Variants in SYN3 observed in about 807,000 individuals in gnomAD.
SYN3 encodes the protein synapsin-3.
A neutral mutation model predicts 65.8 loss-of-function variants in SYN3; 35 were observed. The observed-to-expected ratio is 0.53, with a 90% CI of 0.41 to 0.70. SYN3 has a LOEUF of 0.70. SYN3 is among the 30% of genes least tolerant of loss of function. The probability of loss-of-function intolerance (pLI) is 0.00; values close to 1 mark genes in which losing one functional copy is unlikely to be tolerated. For missense variants in SYN3, 680 were observed against 749.0 expected (o/e 0.91, Z 1.08); for synonymous variants, 270 against 292.9 (o/e 0.92, Z 0.80).
chr22:32,842,645 C>A (rs1222918149), intron 6 of SYN3, among the ~76,000 whole-genome samples: 1 of 152,322 alleles, frequency 6.6e-6, no homozygotes, highest in Middle Eastern at 3.4e-3. Context: ...TATACATTGT[C>A]TCATTTAATT....
At chr22:32,660,086 A>T (rs2060195713) in intron 6 of SYN3, among the ~76,000 whole-genome samples, 1 of 152,202 alleles carries the variant, frequency 6.6e-6, no homozygotes, top group African/African-American at 2.4e-5. Flanking sequence ...CATATTCAGT[A>T]ACTGATCCCA....
At position 32,974,535 on chromosome 22, in the gene SYN3, G is replaced by A. The variant is rs114599896; in HGVS notation, c.369+6110C>T. ...TTAAACGAATCCTCTTTCCTTATTG[G>A]CCTTAGTTTCCCTTACTCCAATCCC... is the stretch of plus-strand genomic sequence containing the variant. On this transcript the variant is annotated intron_variant, in intron 3 of 13. Transcript: ENST00000358763. Among the ~76,000 whole-genome samples, 208 of 152,204 alleles carry A rather than the reference G, an allele frequency of 1.4e-3. 1 individual carries two copies. The highest frequency in any genetic ancestry group is 4.8e-3 in the African/African-American group (201 of 41,538).
In SYN3 at chr22:33,015,516, C is replaced by T. The variant is rs868310720; in HGVS notation, c.-162-8692G>A. 5.7e-5 allele frequency: 10 copies of T among 176,432 alleles called. No homozygotes were observed. The Middle Eastern group carries it at 9.1e-3, about 161-fold the overall frequency. 10.9% of individuals were successfully genotyped at this position (176,432 alleles called of 1,614,324 possible). ...AACCAGTGCCAGCTGTTTCTGTACA[C>T]CAGCTATTGTAAAATAATTCTAACT... On this transcript the variant is annotated intron_variant, in intron 1 of 13. Transcript: ENST00000358763.
intron 6 of SYN3, among the ~76,000 whole-genome samples, chr22:32,736,648 C>T (rs1295469814): frequency 6.6e-6 from 1 of 152,126 alleles, no homozygotes; most frequent in Admixed American, 6.5e-5. Context: ...TTAAAACCTA[C>T]ATTTGAACCA....
intron 6 of SYN3, among the ~76,000 whole-genome samples, chr22:32,803,745 C>G (rs1024975837): frequency 3.9e-5 from 6 of 152,200 alleles, no homozygotes; most frequent in African/African-American, 1.4e-4. Context: ...CAGGATCACA[C>G]ACGTGCGGCC....
At chr22:32,889,475 G>A (rs1234969720) in intron 4 of SYN3, among the ~76,000 whole-genome samples, 5 of 151,700 alleles carry the variant, frequency 3.3e-5, no homozygotes, top group African/African-American at 4.8e-5. Flanking sequence ...AATGTGACAT[G>A]TGCTTATTTA....
chr22:32,649,106 A>G (rs2060025102), intron 6 of SYN3, among the ~76,000 whole-genome samples: 1 of 152,156 alleles, frequency 6.6e-6, no homozygotes, highest in Non-Finnish European at 1.5e-5. Context: ...GGCGGAGTAT[A>G]CTTCCCCTAT....
chr22:32,608,840 T>A (rs889107131), intron 6 of SYN3, among the ~76,000 whole-genome samples: 18 of 152,236 alleles, frequency 1.2e-4, no homozygotes, highest in African/African-American at 4.1e-4. Flanking sequence ...TATAGGTATC[T>A]GGATCCTAGC....
chr22:32,957,935 A>G (rs951984571), intron 3 of SYN3, among the ~76,000 whole-genome samples: 3 of 152,130 alleles, frequency 2.0e-5, no homozygotes, highest in Non-Finnish European at 4.4e-5. Flanking sequence ...CGCTAACCCA[A>G]ACCTAATCTC....
chr22:32,847,448 G>A (rs1369281857), intron 6 of SYN3, among the ~76,000 whole-genome samples: 1 of 152,166 alleles, frequency 6.6e-6, no homozygotes, highest in African/African-American at 2.4e-5. Context: ...GCCAATGACT[G>A]TGTGTTTTGC....
At chr22:32,632,311 G>T (rs554303038) in intron 6 of SYN3, among the ~76,000 whole-genome samples, 3 of 152,340 alleles carry the variant, frequency 2.0e-5, no homozygotes, top group South Asian at 4.1e-4. Flanking sequence ...CCACTGGGCA[G>T]TGTGCTATGG....
intron 2 of SYN3, among the ~76,000 whole-genome samples, chr22:32,997,755 G>A (rs1404903196): frequency 1.3e-5 from 2 of 152,018 alleles, no homozygotes; most frequent in Non-Finnish European, 2.9e-5. Flanking sequence ...GGCCGGGCGC[G>A]GTGGCTCACG....
At chr22:32,533,529 T>C (rs1269286198) in intron 10 of SYN3, among the ~76,000 whole-genome samples, 1 of 152,132 alleles carries the variant, frequency 6.6e-6, no homozygotes, top group Non-Finnish European at 1.5e-5. Flanking sequence ...TGCCCTTTCC[T>C]TCCCTTAGGC....
intron 6 of SYN3, among the ~76,000 whole-genome samples, chr22:32,832,062 TG>T (rs1459676353): frequency 1.3e-5 from 2 of 152,120 alleles, no homozygotes; most frequent in Non-Finnish European, 2.9e-5. Flanking sequence ...ATGGACCAGG[TG>T]GGGTGATTAG....
intron 4 of SYN3, among the ~76,000 whole-genome samples, chr22:32,913,467 A>ATT (rs955770340): frequency 2.8e-5 from 4 of 144,800 alleles, no homozygotes; most frequent in Non-Finnish European, 4.6e-5. Flanking sequence ...CAAGTCTATT[A>ATT]TTTTTTTTTT....
intron 1 of SYN3, among the ~76,000 whole-genome samples, chr22:33,026,323 A>G (rs1173651540): frequency 1.3e-5 from 2 of 152,096 alleles, no homozygotes; most frequent in Non-Finnish European, 2.9e-5. Context: ...ATTTTCTGGG[A>G]AAATTCTGAT....
chr22:32,523,879 C>A (rs2057931703), intron 12 of SYN3, among the ~76,000 whole-genome samples: 1 of 152,220 alleles, frequency 6.6e-6, no homozygotes, highest in African/African-American at 2.4e-5. Flanking sequence ...ATGTGCCACT[C>A]CAGTGAACAC....
chr22:32,601,528 T>C (rs2146619669), intron 6 of SYN3, among the ~76,000 whole-genome samples: 1 of 152,274 alleles, frequency 6.6e-6, no homozygotes, highest in South Asian at 2.1e-4. Context: ...CCACCCGCCT[T>C]GGCCTCCCAA....
At chr22:32,829,087 C>A (rs959508888) in intron 6 of SYN3, among the ~76,000 whole-genome samples, 1 of 152,130 alleles carries the variant, frequency 6.6e-6, no homozygotes, top group African/African-American at 2.4e-5. Context: ...CCATTTCTAC[C>A]CTCAGAGGGT....
Sources: allele counts gnomAD v4.1 joint callset (sites outside exome capture counted in the v4.1 genomes callset), GRCh38; gene constraint gnomAD v4.1.1; transcripts MANE v1.5; gene names NCBI Gene and HGNC (gene_info 2026-07-23, HGNC 2026-07-21).